FCER1A: variants seen among roughly 807,000 people sequenced by gnomAD.
The protein encoded by FCER1A is high affinity immunoglobulin epsilon receptor subunit alpha.
FCER1A carries 24 observed loss-of-function variants against 23.6 expected under a neutral mutation model. The ratio of observed to expected loss-of-function variants is 1.02; its 90% CI spans 0.74 to 1.43. The LOEUF is 1.43. FCER1A is among the 40% of genes most tolerant of loss of function. The pLI, the probability that FCER1A is intolerant of heterozygous loss-of-function variation, is 0.00. For synonymous variants in FCER1A, 121 were observed against 108.8 expected (o/e 1.11, Z -0.70); for missense variants, 318 against 294.5 (o/e 1.08, Z -0.58).
upstream of FCER1A, among the ~76,000 whole-genome samples, chr1:159,298,851 A>G (rs1331312221): frequency 1.3e-5 from 2 of 152,212 alleles, no homozygotes; most frequent in Non-Finnish European, 2.9e-5. Context: ...GTGATTTCCT[A>G]TTTGTGGGTT....
Position 159,303,955 on chromosome 1 carries a change from A to G in FCER1A, c.104A>G (p.Asn35Ser). The G allele has an allele frequency of 1.2e-6, 2 of 1,612,662 alleles. No homozygotes were observed. Among genetic ancestry groups the G allele is most frequent in the Non-Finnish European group, 1.7e-6 (2 of 1,178,778 alleles). ...CCTCAGAAACCTAAGGTCTCCTTGAACCCTCCATGGAATAGAATATTTAAA... is the reference window on the plus strand; with the variant it reads ...CCTCAGAAACCTAAGGTCTCCTTGAGCCCTCCATGGAATAGAATATTTAAA... ...AVPQKPKVSL[N>S]PPWNRIFKGE... is the part of the protein sequence containing the mutation. The change falls in exon 3 of 5, where the codon AAC (asparagine) becomes AGC (serine). Residue 35 changes from asparagine to serine, a missense_variant. Transcript: ENST00000693622.
intron 4 of FCER1A, 95 bp downstream of exon 4, chr1:159,306,340 C>T (rs1652615332): frequency 3.4e-6 from 4 of 1,172,244 alleles, no homozygotes; most frequent in South Asian, 3.0e-5. Flanking sequence ...AGGGGGGCAC[C>T]TGTGATACAC....
At chr1:159,298,793 C>T (rs1163742456), upstream of FCER1A, among the ~76,000 whole-genome samples, 1 of 152,124 alleles carries the variant, frequency 6.6e-6, no homozygotes, top group Admixed American at 6.5e-5. Flanking sequence ...GATGTCATGG[C>T]CTGAATTAAG....
Position 159,304,124 on chromosome 1 carries a change from CA to C in FCER1A, c.276del (p.Lys92AsnfsTer31). ...NAKFEDSGEY[K>X]CQHQQVNESE... ...CCAAATTTGAAGACAGTGGAGAATA[CA>C]AATGTCAGCACCAACAAGTTAATGA... is the stretch of plus-strand genomic sequence containing the variant. On this transcript the variant is annotated frameshift_variant, in exon 3 of 5. Coordinates refer to ENST00000693622, the MANE Select transcript of FCER1A (RefSeq NM_001387280.1). LOFTEE classifies it high-confidence loss of function. 1 of 1,613,854 alleles carries C rather than the reference CA, an allele frequency of 6.2e-7. No individual in the cohort carries two copies. Among genetic ancestry groups the C allele is most frequent in the Non-Finnish European group, 8.5e-7 (1 of 1,179,774 alleles).
At chr1:159,285,083 C>T (rs568374783), upstream of FCER1A, among the ~76,000 whole-genome samples, 28 of 152,010 alleles carry the variant, frequency 1.8e-4, no homozygotes, top group East Asian at 5.2e-3. Flanking sequence ...TGTGTGTGTA[C>T]GTGTGTGGGT....
At chr1:159,299,601 T>G (rs1026243284), upstream of FCER1A, among the ~76,000 whole-genome samples, 8 of 152,176 alleles carry the variant, frequency 5.3e-5, no homozygotes, top group Non-Finnish European at 8.8e-5. Flanking sequence ...ATAGTGATAC[T>G]CTTTGTGTAT....
chr1:159,292,658 G>A (rs1430628403), intron 1 of FCER1A, among the ~76,000 whole-genome samples: 1 of 151,890 alleles, frequency 6.6e-6, no homozygotes, highest in Non-Finnish European at 1.5e-5. Flanking sequence ...AGAGAATGTG[G>A]GTGTATACAC....
At chr1:159,293,151 A>G (rs1438076112) in intron 1 of FCER1A, among the ~76,000 whole-genome samples, 4 of 146,934 alleles carry the variant, frequency 2.7e-5, no homozygotes. Context: ...AAGCAGGGGA[A>G]TATATATACA....
intron 1 of FCER1A, among the ~76,000 whole-genome samples, chr1:159,295,530 T>G (rs193213589): frequency 7.2e-5 from 11 of 152,196 alleles, no homozygotes; most frequent in Admixed American, 7.2e-4. Context: ...TAAACACTAT[T>G]CTACGGGAAT....
upstream of FCER1A, among the ~76,000 whole-genome samples, chr1:159,287,428 A>G (rs2102211821): frequency 6.6e-6 from 1 of 152,256 alleles, no homozygotes; most frequent in South Asian, 2.1e-4. Context: ...CTGGCAGGCC[A>G]TCGGTCATAA....
chr1:159,294,425 A>G (rs1053131787), intron 1 of FCER1A, among the ~76,000 whole-genome samples: 2 of 152,140 alleles, frequency 1.3e-5, no homozygotes, highest in Non-Finnish European at 2.9e-5. Flanking sequence ...CCTATCTCGT[A>G]CTTTAAGTCT....
chr1:159,299,292 A>T (rs1652371096), upstream of FCER1A, among the ~76,000 whole-genome samples: 1 of 152,140 alleles, frequency 6.6e-6, no homozygotes, highest in Non-Finnish European at 1.5e-5. Flanking sequence ...GTTTTAGAGA[A>T]CTTTGAGAGT....
chr1:159,291,267 A>G (rs1016739723), intron 1 of FCER1A, among the ~76,000 whole-genome samples: 2 of 152,122 alleles, frequency 1.3e-5, no homozygotes, highest in African/African-American at 4.8e-5. Flanking sequence ...TCTCTTTGTC[A>G]TCTTCTTCCA....
upstream of FCER1A, among the ~76,000 whole-genome samples, chr1:159,298,948 G>T (rs1296649824): frequency 6.6e-6 from 1 of 152,114 alleles, no homozygotes; most frequent in Non-Finnish European, 1.5e-5. Flanking sequence ...AATGAATAAA[G>T]ACATCTTTAT....
chr1:159,299,471 G>A, upstream of FCER1A, among the ~76,000 whole-genome samples: 1 of 152,142 alleles, frequency 6.6e-6, no homozygotes, highest in East Asian at 1.9e-4. Flanking sequence ...AGTTGCAGGG[G>A]CACCTCACAG....
Position 159,303,930 on chromosome 1 carries a change from C to T in FCER1A, c.79C>T (p.Pro27Ser). Residue 27 changes from proline to serine, a missense_variant and splice_region_variant, in exon 3 of 5, where the codon CCT (proline) becomes TCT (serine). Pro to Ser is a moderately conservative substitution (Grantham distance 74). Coordinates refer to ENST00000693622, the MANE Select transcript of FCER1A (RefSeq NM_001387280.1). ...FFAPDGVLAVPQKPKVSLNPP... is the reference protein window; with the variant it reads ...FFAPDGVLAVSQKPKVSLNPP... ...TTCATATTTTTATCTTCTTGAAGTC[C>T]CTCAGAAACCTAAGGTCTCCTTGAA... 6.2e-7 allele frequency: 1 copy of T among 1,607,652 alleles called. No individual in the cohort carries two copies.
intron 3 of FCER1A, 135 bp downstream of exon 3, chr1:159,304,317 A>G: frequency 4.8e-6 from 4 of 827,410 alleles, no homozygotes; most frequent in South Asian, 1.8e-5. Flanking sequence ...AGACCCCTGC[A>G]TTGGCTGGGC....
intron 4 of FCER1A, 111 bp from the exon 5 acceptor site, chr1:159,307,637 A>C: frequency 1.3e-6 from 1 of 774,650 alleles, no homozygotes; most frequent in East Asian, 2.5e-5. Flanking sequence ...CATCACGCTA[A>C]AAATGAAGGA....
chr1:159,302,843 G>A lies in FCER1A; in HGVS notation c.56-11G>A. ...GCTGGACACTAATGTATCCTCTCTG[G>A]ACTTTTGCAGCTCCAGATGGCGTGT... On this transcript the variant is annotated splice_polypyrimidine_tract_variant and intron_variant, in intron 1 of 4. Coordinates refer to ENST00000693622, the MANE Select transcript of FCER1A (RefSeq NM_001387280.1). 6.2e-7 allele frequency: 1 copy of A among 1,613,610 alleles called. No individual in the cohort carries two copies. The highest frequency in any genetic ancestry group is 8.5e-7 in the Non-Finnish European group (1 of 1,179,536).
Sources: allele counts gnomAD v4.1 joint callset (sites outside exome capture counted in the v4.1 genomes callset), GRCh38; gene constraint gnomAD v4.1.1; transcripts MANE v1.5; gene names NCBI Gene and HGNC (gene_info 2026-07-23, HGNC 2026-07-21).